PLCB4: variants seen among roughly 807,000 people sequenced by gnomAD.
PLCB4 encodes phospholipase C beta 4.
A neutral mutation model predicts 178.8 loss-of-function variants in PLCB4; 77 were observed. The ratio of observed to expected loss-of-function variants is 0.43; its 90% CI spans 0.36 to 0.52. PLCB4 has a LOEUF of 0.52. Among genes scored for constraint, PLCB4 ranks in the 20% least tolerant of loss-of-function variants. The pLI is 0.00. For synonymous variants in PLCB4, 496 were observed against 490.8 expected, an observed-to-expected ratio of 1.01 and a Z score of -0.14; for missense variants, 1,024 against 1,453.4, an observed-to-expected ratio of 0.70 and a Z score of 4.80.
chr20:9,253,933 A>C (rs912353444), intron 3 of PLCB4, among the ~76,000 whole-genome samples: 1 of 152,226 alleles, frequency 6.6e-6, no homozygotes, highest in Non-Finnish European at 1.5e-5. Context: ...AGGAATCTTC[A>C]ACTGAGAAGG....
At chr20:9,125,745 C>T (rs1015924107) in intron 2 of PLCB4, among the ~76,000 whole-genome samples, 1 of 152,162 alleles carries the variant, frequency 6.6e-6, no homozygotes, top group Non-Finnish European at 1.5e-5. Flanking sequence ...GGACTACCTT[C>T]CAGTGTCTCG....
At chr20:9,235,805 A>G (rs1013193610) in intron 3 of PLCB4, among the ~76,000 whole-genome samples, 2 of 152,200 alleles carry the variant, frequency 1.3e-5, no homozygotes, top group South Asian at 4.1e-4. Context: ...CTCCACAGTC[A>G]TTGTTTTTGG....
At chr20:9,090,118 G>GT (rs920921104) in intron 1 of PLCB4, among the ~76,000 whole-genome samples, 30 of 152,096 alleles carry the variant, frequency 2.0e-4, no homozygotes, top group African/African-American at 6.7e-4. Flanking sequence ...TATGAAGCCT[G>GT]TTTTTTAAAA....
intron 2 of PLCB4, among the ~76,000 whole-genome samples, chr20:9,144,725 A>G (rs1399796696): frequency 1.3e-3 from 9 of 6,758 alleles, no homozygotes; most frequent in African/African-American, 6.7e-3. Context: ...GAAGAAGGGG[A>G]AGGAGGGGAA....
chr20:9,111,286 T>C (rs906084614), intron 2 of PLCB4, among the ~76,000 whole-genome samples: 5 of 152,196 alleles, frequency 3.3e-5, no homozygotes, highest in Admixed American at 6.5e-5. Context: ...CAGATGGCAG[T>C]GTGGATCTTA....
At chr20:9,355,284 T>G (rs1446358397) in intron 7 of PLCB4, among the ~76,000 whole-genome samples, 1 of 152,078 alleles carries the variant, frequency 6.6e-6, no homozygotes, top group Non-Finnish European at 1.5e-5. Flanking sequence ...TTTTTATTTT[T>G]TATATTTTGT....
At chr20:9,078,178 G>T (rs138545980) in intron 1 of PLCB4, among the ~76,000 whole-genome samples, 3 of 151,882 alleles carry the variant, frequency 2.0e-5, no homozygotes, top group Non-Finnish European at 4.4e-5. Context: ...ACAGGGTCTC[G>T]CTATGTTGTC....
At position 9,390,600 on chromosome 20, in the gene PLCB4, A is replaced by G. The variant is rs369445596; in HGVS notation, c.1308A>G (p.Ala436=). 2.3e-5 allele frequency: 35 copies of G among 1,507,632 alleles called. No individual in the cohort carries two copies. Among genetic ancestry groups the G allele is most frequent in the Non-Finnish European group, 3.0e-5 (32 of 1,083,144 alleles). 93.4% of individuals were successfully genotyped at this position (1,507,632 alleles called of 1,614,324 possible). A position where few individuals can be genotyped will look rare whatever the true frequency, so the allele number is the denominator to read the frequency against. Residue 436 remains alanine, a synonymous_variant, in exon 17 of 40, where the codon GCA becomes GCG. Coordinates refer to ENST00000378473, the MANE Select transcript of PLCB4 (RefSeq NM_001377142.1). ...DLFGDLLLKQ[A]LESHPLEPGR... ...TTGGGGATCTCCTGTTGAAACAAGC[A>G]CTTGAATCACATCCAGTATGTATTT... is the stretch of plus-strand genomic sequence containing the variant.
At chr20:9,070,777 TG>T (rs1428419425) in intron 1 of PLCB4, among the ~76,000 whole-genome samples, 3 of 152,240 alleles carry the variant, frequency 2.0e-5, no homozygotes, top group Admixed American at 6.5e-5. Flanking sequence ...TATTAGCTTA[TG>T]GACTACACTT....
intron 2 of PLCB4, among the ~76,000 whole-genome samples, chr20:9,126,165 A>G (rs752223112): frequency 3.9e-5 from 6 of 152,230 alleles, no homozygotes; most frequent in Non-Finnish European, 8.8e-5. Flanking sequence ...TTTGAATGCT[A>G]TACTCTACTT....
chr20:9,318,198 G>A (rs1035428691), intron 4 of PLCB4, among the ~76,000 whole-genome samples: 2 of 151,968 alleles, frequency 1.3e-5, no homozygotes, highest in Admixed American at 6.6e-5. Context: ...TAGAGACAAG[G>A]CCAGCCACAC....
intron 3 of PLCB4, among the ~76,000 whole-genome samples, chr20:9,237,843 CT>C (rs965203373): frequency 2.7e-5 from 4 of 150,382 alleles, no homozygotes; most frequent in East Asian, 4.0e-4. Context: ...ATAGTGGAAT[CT>C]TTTTTTTTCT....
chr20:9,242,284 C>T (rs1180586718), intron 3 of PLCB4, among the ~76,000 whole-genome samples: 9 of 152,076 alleles, frequency 5.9e-5, no homozygotes, highest in African/African-American at 9.7e-5. Context: ...CCCCAGTGCT[C>T]GCAGAGTGGA....
intron 35 of PLCB4, among the ~76,000 whole-genome samples, chr20:9,462,556 G>T (rs1019594129): frequency 1.3e-5 from 2 of 152,184 alleles, no homozygotes; most frequent in Non-Finnish European, 2.9e-5. Context: ...AATAAACAGT[G>T]TAGAGAAGAC....
At chr20:9,081,447 C>T (rs764140381) in intron 1 of PLCB4, among the ~76,000 whole-genome samples, 4 of 152,212 alleles carry the variant, frequency 2.6e-5, no homozygotes, top group Non-Finnish European at 4.4e-5. Flanking sequence ...ACTGTGGACA[C>T]TGTGGCTTTG....
intron 1 of PLCB4, among the ~76,000 whole-genome samples, chr20:9,070,986 C>T (rs542658299): frequency 1.3e-5 from 2 of 152,266 alleles, no homozygotes; most frequent in Admixed American, 6.5e-5. Flanking sequence ...CATACCCACG[C>T]AGAAAGCTTT....
At chr20:9,345,292 C>T (rs1273172909) in intron 7 of PLCB4, among the ~76,000 whole-genome samples, 3 of 151,824 alleles carry the variant, frequency 2.0e-5, no homozygotes, top group African/African-American at 7.3e-5. Flanking sequence ...TCTTTTTGCT[C>T]ACTGTTTTAC....
intron 29 of PLCB4, 150 bp downstream of exon 29, chr20:9,435,798 A>G (rs1313753217): frequency 3.8e-6 from 2 of 528,776 alleles, no homozygotes; most frequent in Middle Eastern, 4.4e-4. Flanking sequence ...TTAACTTTCT[A>G]CAAAAGTGTG....
chr20:9,225,341 G>A (rs1480555946), intron 3 of PLCB4, among the ~76,000 whole-genome samples: 1 of 152,126 alleles, frequency 6.6e-6, no homozygotes, highest in Non-Finnish European at 1.5e-5. Context: ...CTTAACAAAT[G>A]CTTAAGGCTT....
Sources: allele counts gnomAD v4.1 joint callset (sites outside exome capture counted in the v4.1 genomes callset), GRCh38; gene constraint gnomAD v4.1.1; transcripts MANE v1.5; gene names NCBI Gene and HGNC (gene_info 2026-07-23, HGNC 2026-07-21).